TMEM178A: variants seen among roughly 807,000 people sequenced by gnomAD.
The protein encoded by TMEM178A is transmembrane protein 178.
A neutral mutation model predicts 29.1 loss-of-function variants in TMEM178A; 12 were observed. That is an observed-to-expected ratio of 0.41 (90% CI 0.26 to 0.67). The LOEUF is 0.67. TMEM178A is among the 30% of genes least tolerant of loss of function. TMEM178A has a pLI of 0.29. For missense variants in TMEM178A, 366 were observed against 419.1 expected (o/e 0.87, Z 1.11); for synonymous variants, 210 against 187.2 (o/e 1.12, Z -0.99).
chr2:39,725,411 G>C, the TMEM178A span, among the ~76,000 whole-genome samples: 1 of 152,158 alleles, frequency 6.6e-6, no homozygotes, highest in Non-Finnish European at 1.5e-5. Context: ...TGAGGAGCTG[G>C]TTCTGTGTTG....
chr2:39,676,847 A>G (rs568659471), intron 1 of TMEM178A, among the ~76,000 whole-genome samples: 1 of 152,036 alleles, frequency 6.6e-6, no homozygotes, highest in African/African-American at 2.4e-5. Context: ...TTCCAGATCT[A>G]CCACTTTCTC....
At chr2:39,730,188 T>A in the TMEM178A span, among the ~76,000 whole-genome samples, 38 of 152,344 alleles carry the variant, frequency 2.5e-4, no homozygotes, top group African/African-American at 8.9e-4. Flanking sequence ...TTTCTTGTTG[T>A]GTTTGCTGAC....
intron 1 of TMEM178A, among the ~76,000 whole-genome samples, chr2:39,668,247 C>T (rs995594722): frequency 5.9e-5 from 9 of 152,224 alleles, no homozygotes; most frequent in African/African-American, 1.7e-4. Context: ...TTCCCTTCTA[C>T]AATCTTTCTG....
At chr2:39,724,498 CAT>C in the TMEM178A span, among the ~76,000 whole-genome samples, 1 of 152,152 alleles carries the variant, frequency 6.6e-6, no homozygotes, top group Non-Finnish European at 1.5e-5. Context: ...ATTTAAAAAA[CAT>C]AACATATTAA....
intron 1 of TMEM178A, among the ~76,000 whole-genome samples, chr2:39,683,532 C>T (rs1670954978): frequency 6.6e-6 from 1 of 152,164 alleles, no homozygotes; most frequent in Admixed American, 6.5e-5. Flanking sequence ...GAGCTTATCC[C>T]AGGCAGGATA....
At chr2:39,730,443 G>A in the TMEM178A span, among the ~76,000 whole-genome samples, 5 of 152,148 alleles carry the variant, frequency 3.3e-5, no homozygotes, top group Non-Finnish European at 7.4e-5. Context: ...GGTCCGTCAA[G>A]TTTCCCACGT....
chr2:39,726,530 A>G, the TMEM178A span, among the ~76,000 whole-genome samples: 1 of 152,218 alleles, frequency 6.6e-6, no homozygotes, highest in Non-Finnish European at 1.5e-5. Context: ...ATGGAAAGTC[A>G]TTGGAGGATT....
At position 39,707,107 on chromosome 2, in the gene TMEM178A, C is replaced by T. The variant is rs1558461990; in HGVS notation, c.573C>T (p.Gly191=). The part of the protein sequence containing the change: ...LGMAVAVLLC[G]CIVATVSFFW... Reference sequence around the variant, plus strand: ...TGGCCGTAGCCGTCCTTCTCTGCGGCTGCATTGTGGCCACAGTCAGTTTCT... The same window carrying T: ...TGGCCGTAGCCGTCCTTCTCTGCGGTTGCATTGTGGCCACAGTCAGTTTCT... Residue 191 remains glycine (G), a synonymous_variant, in exon 3 of 4, where the codon GGC becomes GGT. Coordinates refer to ENST00000281961, the MANE Select transcript of TMEM178A (RefSeq NM_152390.3). 4 of 1,614,226 alleles carry T rather than the reference C, an allele frequency of 2.5e-6. No individual in the cohort carries two copies. The East Asian group carries it at 8.9e-5, about 36-fold the overall frequency.
intron 1 of TMEM178A, among the ~76,000 whole-genome samples, chr2:39,689,076 A>C (rs1671203098): frequency 6.6e-6 from 1 of 152,218 alleles, no homozygotes; most frequent in Admixed American, 6.5e-5. Context: ...GTAATTAGTC[A>C]ATTCAGCTTG....
chr2:39,716,876 T>A, intron 3 of TMEM178A, 134 bp from the exon 4 acceptor site: 1 of 1,150,758 alleles, frequency 8.7e-7, no homozygotes, highest in Non-Finnish European at 1.2e-6. Flanking sequence ...TCAAGTAAAA[T>A]AATTATGGAT....
At chr2:39,694,477 A>G (rs560696008) in intron 1 of TMEM178A, among the ~76,000 whole-genome samples, 4 of 152,326 alleles carry the variant, frequency 2.6e-5, no homozygotes, top group African/African-American at 7.2e-5. Flanking sequence ...AGATCTAAAC[A>G]AAGAATAACC....
chr2:39,678,264 C>T (rs1174885681), intron 1 of TMEM178A, among the ~76,000 whole-genome samples: 2 of 152,074 alleles, frequency 1.3e-5, no homozygotes, highest in Non-Finnish European at 2.9e-5. Flanking sequence ...GATACTCAGA[C>T]AAAAACACTG....
chr2:39,686,838 G>T (rs1464401341), intron 1 of TMEM178A, among the ~76,000 whole-genome samples: 1 of 152,166 alleles, frequency 6.6e-6, no homozygotes, highest in Non-Finnish European at 1.5e-5. Context: ...CTGCCTAATG[G>T]CGCTTTTTTC....
intron 3 of TMEM178A, among the ~76,000 whole-genome samples, chr2:39,714,870 T>C (rs1037591760): frequency 1.3e-5 from 2 of 152,240 alleles, no homozygotes; most frequent in Non-Finnish European, 2.9e-5. Context: ...TCCATTTTCA[T>C]TTAATTGCAT....
At chr2:39,666,587 T>C (rs1670171928) in intron 1 of TMEM178A, among the ~76,000 whole-genome samples, 1 of 152,098 alleles carries the variant, frequency 6.6e-6, no homozygotes, top group African/African-American at 2.4e-5. Context: ...TCTTCTTTCG[T>C]CCACATCCTG....
At chr2:39,722,820 T>A (rs977415928), downstream of TMEM178A, among the ~76,000 whole-genome samples, 3 of 152,194 alleles carry the variant, frequency 2.0e-5, no homozygotes, top group African/African-American at 7.2e-5. Flanking sequence ...CTTATCCTGG[T>A]TGGCCCAGAG....
At position 39,717,082 on chromosome 2, in the gene TMEM178A, T is replaced by C. The variant is rs752157417; in HGVS notation, c.725T>C (p.Leu242Pro). The C allele has an allele frequency of 1.7e-5, 27 of 1,611,804 alleles. No homozygotes were observed. Among genetic ancestry groups the C allele is most frequent in the Non-Finnish European group, 2.2e-5 (26 of 1,179,744 alleles). The change falls in exon 4 of 4, where the codon CTA (leucine) becomes CCA (proline). Residue 242 changes from leucine (L) to proline (P), a missense_variant. By Grantham distance (98) the Leu-to-Pro change is moderately conservative (BLOSUM62 -3). Transcript: ENST00000281961. The part of the protein sequence containing the change: ...ISYDLNRLPK[L>P]IYSLPADVEH... ...TATGATTTGAACCGGCTCCCAAAGC[T>C]AATTTATAGCCTGCCTGCTGATGTG...
At position 39,694,161 on chromosome 2, in the gene TMEM178A, G is replaced by GTAATAATAATAATAATAA. The variant is rs66983117; in HGVS notation, c.401-9912_401-9895dup. ...AAAAAAAGTAGCAATAGTAGTAGTAGTAATAATAATAATAATAATAATAAT... is the reference window on the plus strand; with the variant it reads ...AAAAAAAGTAGCAATAGTAGTAGTAGTAATAATAATAATAATAATAATAATAATAATAATAATAATAAT... On this transcript the variant is annotated intron_variant, in intron 1 of 3. Transcript: ENST00000281961. Among the ~76,000 whole-genome samples, 241 of 146,712 alleles carry GTAATAATAATAATAATAA rather than the reference G, an allele frequency of 1.6e-3. 1 individual carries two copies. The highest frequency in any genetic ancestry group is 5.8e-3 in the African/African-American group (234 of 40,102).
the TMEM178A span, among the ~76,000 whole-genome samples, chr2:39,733,169 C>T: frequency 6.6e-6 from 1 of 152,160 alleles, no homozygotes; most frequent in African/African-American, 2.4e-5. Flanking sequence ...AGAGAATTTC[C>T]ACAGTCTACC....
Sources: allele counts gnomAD v4.1 joint callset (sites outside exome capture counted in the v4.1 genomes callset), GRCh38; gene constraint gnomAD v4.1.1; transcripts MANE v1.5; gene names NCBI Gene and HGNC (gene_info 2026-07-23, HGNC 2026-07-21).